Variants in CCT5 observed in about 807,000 individuals in gnomAD.
CCT5 encodes the protein chaperonin containing TCP1 subunit 5, also known as T-complex protein 1 subunit epsilon.
CCT5 carries 6 observed loss-of-function variants against 55.0 expected under a neutral mutation model. The observed-to-expected ratio is 0.11, with a 90% CI of 0.06 to 0.22. The LOEUF is 0.22. Among genes scored for constraint, CCT5 ranks in the 10% least tolerant of loss-of-function variants. The pLI is 1.00. For missense variants in CCT5, 560 were observed against 694.6 expected (o/e 0.81, Z 2.18); for synonymous variants, 231 against 243.7 (o/e 0.95, Z 0.49).
In CCT5 at chr5:10,265,612, G is replaced by A. The variant is rs575621515; in HGVS notation, c.*829G>A. On this transcript the variant is annotated 3_prime_UTR_variant, in exon 11 of 11. Transcript: ENST00000280326. ...GCCAAGACGCTCCGAGAACTCTACC[G>A]GGATTGTCTGTTCTGACAACCCAGT... 91 of 151,978 alleles carry A rather than the reference G, an allele frequency of 6.0e-4. No homozygotes were observed. The highest frequency in any genetic ancestry group is 1.9e-3 in the African/African-American group (78 of 41,442). The allele number at this position is 151,978 out of a possible 1,614,324, so 9.4% of individuals were successfully genotyped here.
chr5:10,255,141 A>G (rs2126500831), intron 3 of CCT5: 1 of 396,152 alleles, frequency 2.5e-6, no homozygotes, highest in East Asian at 5.8e-5. Flanking sequence ...ATTTTGGATC[A>G]TGTACTGCAA....
At chr5:10,261,219 G>C in intron 7 of CCT5, 1 of 493,782 alleles carries the variant, frequency 2.0e-6, no homozygotes, top group Non-Finnish European at 3.7e-6. Flanking sequence ...AGGCAACGGT[G>C]CCTCGGTGGT....
chr5:10,264,939 C>G lies in CCT5; in HGVS notation c.*156C>G. On this transcript the variant is annotated 3_prime_UTR_variant, in exon 11 of 11. Transcript: ENST00000280326. Reference sequence around the variant, plus strand: ...TTTGGTAACCATAGTTTCACTTGTTCAAAGCTGTGTAATCGTGGGGGTACC... The same window carrying G: ...TTTGGTAACCATAGTTTCACTTGTTGAAAGCTGTGTAATCGTGGGGGTACC... 1.1e-6 allele frequency: 1 copy of G among 945,160 alleles called. No homozygotes were observed. Among genetic ancestry groups the G allele is most frequent in the South Asian group, 1.6e-5 (1 of 62,192 alleles). The allele number at this position is 945,160 out of a possible 1,614,324, so 58.5% of individuals were successfully genotyped here.
intron 6 of CCT5, 133 bp downstream of exon 6, chr5:10,258,668 G>A: frequency 1.2e-6 from 1 of 803,242 alleles, no homozygotes; most frequent in Admixed American, 2.1e-5. Context: ...TGCATAGAAA[G>A]GCATAAACAG....
chr5:10,255,329 T>A (rs1351400041), intron 3 of CCT5, among the ~76,000 whole-genome samples: 1 of 62,214 alleles, frequency 1.6e-5, no homozygotes, highest in Non-Finnish European at 5.5e-5. Flanking sequence ...AAAATGTTAA[T>A]AAGTAAACTG....
intron 1 of CCT5, 164 bp downstream of exon 1, chr5:10,250,609 C>G: frequency 1.4e-6 from 2 of 1,449,472 alleles, no homozygotes; most frequent in Admixed American, 2.7e-5. Context: ...TTACTGAGCT[C>G]GGGAGACGCC....
At chr5:10,250,103 T>C (rs1392984669), upstream of CCT5, 3 of 1,536,176 alleles carry the variant, frequency 2.0e-6, no homozygotes, top group Admixed American at 2.0e-5. Flanking sequence ...TCCTAAGATT[T>C]CCACTAAGTG....
In CCT5 at chr5:10,254,745, A is replaced by T. The variant is rs779876496; in HGVS notation, c.238A>T (p.Met80Leu). The T allele has an allele frequency of 2.5e-6, 4 of 1,613,568 alleles. No homozygotes were observed. In the Admixed American group the frequency reaches 6.7e-5, roughly 27 times the overall value. The change falls in exon 3 of 11, where the codon ATG becomes TTG. Residue 80 changes from methionine to leucine, a missense_variant. Coordinates refer to ENST00000280326, the MANE Select transcript of CCT5 (RefSeq NM_012073.5). ...VTNDGATILS[M>L]MDVDHQIAKL... ...TAATGATGGGGCCACCATCTTAAGCATGATGGATGTTGATCATCAGATTGC... is the reference window on the plus strand; with the variant it reads ...TAATGATGGGGCCACCATCTTAAGCTTGATGGATGTTGATCATCAGATTGC...
In CCT5 at chr5:10,258,461, G is replaced by C. The variant is rs1339440553; in HGVS notation, c.799G>C (p.Asp267His). The C allele has an allele frequency of 1.2e-6, 2 of 1,614,044 alleles. No homozygotes were observed. The highest frequency in any genetic ancestry group is 2.7e-5 in the African/African-American group (2 of 74,940). The change falls in exon 6 of 11, where the codon GAT becomes CAT. Residue 267 changes from aspartate to histidine, a missense_variant. By Grantham distance (81) the Asp-to-His change is moderately conservative. Around this residue, in one of 4 missense-constraint regions of CCT5, gnomAD observed 256 missense variants for 372.4 expected, o/e 0.69. Coordinates refer to ENST00000280326, the MANE Select transcript of CCT5 (RefSeq NM_012073.5). Reference protein sequence around the residue: ...PPKPKTKHKLDVTSVEDYKAL... With the variant: ...PPKPKTKHKLHVTSVEDYKAL... ...CAAACCAAAAACAAAGCATAAGCTGGATGTGACCTCTGTCGAAGATTATAA... is the reference window on the plus strand; with the variant it reads ...CAAACCAAAAACAAAGCATAAGCTGCATGTGACCTCTGTCGAAGATTATAA...
At chr5:10,251,207 G>A (rs1745389955) in intron 1 of CCT5, among the ~76,000 whole-genome samples, 1 of 152,222 alleles carries the variant, frequency 6.6e-6, no homozygotes, top group South Asian at 2.1e-4. Context: ...AATAGTTCCC[G>A]AAGGTGGAAG....
chr5:10,260,289 T>G (rs1208488546), intron 6 of CCT5, among the ~76,000 whole-genome samples: 35 of 152,190 alleles, frequency 2.3e-4, no homozygotes, highest in Admixed American at 2.3e-3. Context: ...TGAGGGTGCT[T>G]CTTACTGGAA....
chr5:10,250,759 A>G, intron 1 of CCT5: 1 of 1,215,830 alleles, frequency 8.2e-7, no homozygotes, highest in South Asian at 2.1e-5. Flanking sequence ...CTCCAGCCTG[A>G]CGGCCGCGTG....
At chr5:10,252,894 C>T (rs1382251961) in intron 1 of CCT5, among the ~76,000 whole-genome samples, 1 of 152,006 alleles carries the variant, frequency 6.6e-6, no homozygotes, top group East Asian at 1.9e-4. Context: ...TTCTTTACAT[C>T]CTTTTCTTTC....
At chr5:10,261,982 T>A (rs1745986335) in intron 8 of CCT5, 1 of 505,386 alleles carries the variant, frequency 2.0e-6, no homozygotes, top group Non-Finnish European at 3.6e-6. Flanking sequence ...GAGATTTTTA[T>A]ATCTTTTTAA....
intron 3 of CCT5, among the ~76,000 whole-genome samples, chr5:10,255,417 A>G (rs1173929518): frequency 6.6e-6 from 1 of 152,156 alleles, no homozygotes; most frequent in African/African-American, 2.4e-5. Flanking sequence ...AAGACAAAAT[A>G]TCAGTAAGGT....
Position 10,250,427 on chromosome 5 carries a change from G to A in CCT5, c.87G>A (p.Met29Ile), listed in dbSNP as rs1355138785. The A allele has an allele frequency of 1.5e-5, 24 of 1,613,554 alleles. No individual in the cohort carries two copies. Among genetic ancestry groups the A allele is most frequent in the Non-Finnish European group, 1.9e-5 (23 of 1,180,038 alleles). ...ATCAGGACCGCAAGTCCCGTCTTAT[G>A]GGACTTGAGGCCCTCAAGGTAATGG... Reference protein sequence around the residue: ...IKDQDRKSRLMGLEALKSHIM... With the variant: ...IKDQDRKSRLIGLEALKSHIM... The change falls in exon 1 of 11, where the codon ATG (methionine) becomes ATA (isoleucine). Residue 29 changes from methionine to isoleucine, a missense_variant. Transcript: ENST00000280326.
At chr5:10,256,498 T>C (rs2028274) in intron 4 of CCT5, among the ~76,000 whole-genome samples, 111,791 of 151,558 alleles carry the variant, frequency 0.74, 43,422 homozygotes, top group East Asian at 0.87. Flanking sequence ...AGTAGCTTGC[T>C]TGAGCTCAGG....
At chr5:10,264,416 T>C (rs778443884) in intron 10 of CCT5, among the ~76,000 whole-genome samples, 5 of 152,222 alleles carry the variant, frequency 3.3e-5, no homozygotes, top group African/African-American at 7.2e-5. Context: ...TAGCTAGTCA[T>C]TGAAGACAGT....
intron 4 of CCT5, among the ~76,000 whole-genome samples, chr5:10,256,789 G>A (rs1452856389): frequency 2.0e-5 from 3 of 152,090 alleles, no homozygotes; most frequent in African/African-American, 7.2e-5. Flanking sequence ...CATTGGGGGT[G>A]GGTTCCACTT....
Sources: allele counts gnomAD v4.1 joint callset (sites outside exome capture counted in the v4.1 genomes callset), GRCh38; gene constraint gnomAD v4.1.1; regional missense constraint gnomAD v4.1.1; transcripts MANE v1.5; gene names NCBI Gene and HGNC (gene_info 2026-07-23, HGNC 2026-07-21).